Variants in CLASP2 observed in about 807,000 individuals in gnomAD.
CLASP2 encodes CLIP-associating protein 2.
CLASP2 carries 47 observed loss-of-function variants against 194.4 expected under a neutral mutation model. That is an observed-to-expected ratio of 0.24 (90% CI 0.19 to 0.31). The LOEUF (loss-of-function observed/expected upper bound fraction) is 0.31. Ranked by LOEUF, CLASP2 falls within the 10% of genes least tolerant of loss-of-function variation. The pLI is 1.00. For missense variants in CLASP2, 1,445 were observed against 1,823.6 expected (o/e 0.79, Z 3.78); for synonymous variants, 619 against 633.5 (o/e 0.98, Z 0.34).
At chr3:33,671,873 G>A (rs974954029) in intron 6 of CLASP2, among the ~76,000 whole-genome samples, 5 of 152,074 alleles carry the variant, frequency 3.3e-5, no homozygotes, top group Non-Finnish European at 2.9e-5. Context: ...ACTGCAAGGC[G>A]GCAGCGAGGC....
Position 33,498,569 on chromosome 3 carries a change from T to C in CLASP2, c.*62A>G. The C allele has an allele frequency of 2.9e-6, 3 of 1,021,600 alleles. No homozygotes were observed. Among genetic ancestry groups the C allele is most frequent in the East Asian group, 2.5e-5 (1 of 40,774 alleles). The allele number at this position is 1,021,600 out of a possible 1,614,324, so 63.3% of individuals were successfully genotyped here. On this transcript the variant is annotated 3_prime_UTR_variant, in exon 39 of 39. Coordinates refer to ENST00000682230, the MANE Select transcript of CLASP2 (RefSeq NM_001365631.1). ...GGATGTGTTTGAGAACTTCCTTTCATTGATGAGGGTGGTCTATCTGTCCTT... is the reference window on the plus strand; with the variant it reads ...GGATGTGTTTGAGAACTTCCTTTCACTGATGAGGGTGGTCTATCTGTCCTT...
At chr3:33,523,660 T>C (rs1188706007) in intron 34 of CLASP2, among the ~76,000 whole-genome samples, 1 of 152,204 alleles carries the variant, frequency 6.6e-6, no homozygotes, top group Admixed American at 6.5e-5. Flanking sequence ...CGTAAATATA[T>C]ACATTGGCAA....
chr3:33,564,728 C>T (rs549663194), intron 27 of CLASP2, among the ~76,000 whole-genome samples: 3 of 152,078 alleles, frequency 2.0e-5, no homozygotes, highest in African/African-American at 7.2e-5. Flanking sequence ...GTAGGTAGGG[C>T]TACAGGCATG....
intron 6 of CLASP2, among the ~76,000 whole-genome samples, chr3:33,673,166 GAAA>G (rs940284333): frequency 1.3e-5 from 2 of 152,118 alleles, no homozygotes; most frequent in African/African-American, 4.8e-5. Context: ...TGAAATGAAG[GAAA>G]AAATGTTAAG....
At chr3:33,642,308 T>A (rs568994638) in intron 8 of CLASP2, among the ~76,000 whole-genome samples, 188 of 152,056 alleles carry the variant, frequency 1.2e-3, no homozygotes, top group African/African-American at 4.5e-3. Flanking sequence ...CTAGGCATTA[T>A]TTAGCCATGA....
chr3:33,532,003 A>G (rs1206091262), intron 34 of CLASP2, among the ~76,000 whole-genome samples: 1 of 152,244 alleles, frequency 6.6e-6, no homozygotes, highest in Non-Finnish European at 1.5e-5. Context: ...CATATGATCC[A>G]GCAATTCTAC....
At chr3:33,671,839 G>C (rs1035714953) in intron 6 of CLASP2, among the ~76,000 whole-genome samples, 1 of 152,202 alleles carries the variant, frequency 6.6e-6, no homozygotes, top group Non-Finnish European at 1.5e-5. Context: ...CTCACTGATT[G>C]CTAGCACAGC....
intron 1 of CLASP2, among the ~76,000 whole-genome samples, chr3:33,716,286 G>C (rs895504107): frequency 2.6e-5 from 4 of 152,160 alleles, no homozygotes; most frequent in Non-Finnish European, 4.4e-5. Context: ...GAACCCGGAT[G>C]AGACCCCTGA....
chr3:33,522,336 C>G (rs1009764412), intron 34 of CLASP2, among the ~76,000 whole-genome samples: 5 of 152,152 alleles, frequency 3.3e-5, no homozygotes, highest in Non-Finnish European at 7.3e-5. Flanking sequence ...TCTGAGAAGA[C>G]TTTATACCTC....
chr3:33,570,861 A>T, intron 25 of CLASP2, 71 bp from the exon 26 acceptor site: 1 of 1,182,810 alleles, frequency 8.5e-7, no homozygotes, highest in South Asian at 1.6e-5. Flanking sequence ...AACTTTACAT[A>T]TAATTTTCTT....
At chr3:33,576,436 A>C (rs2064905365) in intron 23 of CLASP2, 161 bp from the exon 24 acceptor site, 1 of 571,994 alleles carries the variant, frequency 1.7e-6, no homozygotes. Flanking sequence ...AGTTTTTGGC[A>C]AAATAAAAGG....
intron 34 of CLASP2, among the ~76,000 whole-genome samples, chr3:33,530,936 T>C (rs890824353): frequency 1.3e-4 from 20 of 152,210 alleles, no homozygotes; most frequent in African/African-American, 4.8e-4. Flanking sequence ...GTGCAATCAC[T>C]ACCAAAATCC....
intron 2 of CLASP2, among the ~76,000 whole-genome samples, chr3:33,696,445 A>C (rs2091922787): frequency 7.1e-6 from 1 of 140,214 alleles, no homozygotes; most frequent in African/African-American, 2.7e-5. Context: ...TAAGTAGCAG[A>C]TCTCTGGGTT....
At chr3:33,520,820 TACACACACACACACACACACACACAC>T (rs57151303) in intron 34 of CLASP2, among the ~76,000 whole-genome samples, 2 of 142,436 alleles carry the variant, frequency 1.4e-5, no homozygotes, top group Non-Finnish European at 3.1e-5. Flanking sequence ...TGTAAATCTC[TACACACACACACACACACACACACAC>T]ACACACACAC....
intron 8 of CLASP2, among the ~76,000 whole-genome samples, chr3:33,640,404 A>G (rs1417336981): frequency 6.6e-6 from 1 of 152,218 alleles, no homozygotes; most frequent in Non-Finnish European, 1.5e-5. Context: ...CATAAAGATT[A>G]GTAAGTACTA....
intron 6 of CLASP2, among the ~76,000 whole-genome samples, chr3:33,671,043 T>G (rs2087074369): frequency 6.6e-6 from 1 of 152,094 alleles, no homozygotes; most frequent in Non-Finnish European, 1.5e-5. Flanking sequence ...GTTTTCCACG[T>G]GGAGAAATGG....
intron 7 of CLASP2, chr3:33,659,485 GTTTTC>G: frequency 1.2e-6 from 1 of 835,210 alleles, no homozygotes; most frequent in Non-Finnish European, 1.4e-6. Flanking sequence ...TTTTAAAAAG[GTTTTC>G]ATCCTTTTGT....
At chr3:33,540,659 A>G (rs2058194674) in intron 32 of CLASP2, among the ~76,000 whole-genome samples, 1 of 152,162 alleles carries the variant, frequency 6.6e-6, no homozygotes, top group African/African-American at 2.4e-5. Flanking sequence ...TGTTTGCAAT[A>G]TATTTTTCTT....
chr3:33,546,575 T>A (rs1254040471), intron 30 of CLASP2, among the ~76,000 whole-genome samples: 1 of 152,178 alleles, frequency 6.6e-6, no homozygotes, highest in Non-Finnish European at 1.5e-5. Flanking sequence ...GTCTCCAGAG[T>A]TCCCTTTTGT....
Sources: allele counts gnomAD v4.1 joint callset (sites outside exome capture counted in the v4.1 genomes callset), GRCh38; gene constraint gnomAD v4.1.1; transcripts MANE v1.5; gene names NCBI Gene and HGNC (gene_info 2026-07-23, HGNC 2026-07-21).